LRRC37A: variants seen among roughly 807,000 people sequenced by gnomAD.
LRRC37A encodes leucine-rich repeat-containing protein 37A.
A neutral mutation model predicts 35.4 loss-of-function variants in LRRC37A; 3 were observed. That is an observed-to-expected ratio of 0.08 (90% confidence interval 0.04 to 0.22). The LOEUF (loss-of-function observed/expected upper bound fraction) is 0.22, where lower values mean the gene tolerates loss of function less well. LRRC37A is among the 10% of genes least tolerant of loss of function. The pLI is 1.00. For missense variants in LRRC37A, 67 were observed against 565.3 expected (o/e 0.12, Z 8.94); for synonymous variants, 23 against 215.0 (o/e 0.11, Z 7.81).
upstream of LRRC37A, among the ~76,000 whole-genome samples, chr17:46,291,129 G>A (rs2050054310): frequency 6.6e-6 from 1 of 152,224 alleles, no homozygotes; most frequent in Admixed American, 6.5e-5. Context: ...TATAGAGAGA[G>A]ACTGAACTTC....
chr17:46,266,853 C>T, the LRRC37A span, among the ~76,000 whole-genome samples: 19,433 of 150,642 alleles, frequency 0.13, no homozygotes, highest in Middle Eastern at 0.2. Context: ...AACCGCGCGT[C>T]GCCGCGCCGC....
At chr17:46,267,893 C>CTTTTTTTTTTTTTTTTTTT in the LRRC37A span, among the ~76,000 whole-genome samples, 108 of 89,110 alleles carry the variant, frequency 1.2e-3, no homozygotes, top group Non-Finnish European at 1.7e-3. Context: ...ACTCCCACAT[C>CTTTTTTTTTTTTTTTTTTT]TTTTTTTTTT....
the LRRC37A span, among the ~76,000 whole-genome samples, chr17:46,252,075 T>C: frequency 6.6e-6 from 1 of 152,252 alleles, no homozygotes; most frequent in Non-Finnish European, 1.5e-5. Context: ...GAACCAAAGA[T>C]GGAATCCTTA....
At chr17:46,260,806 A>G in the LRRC37A span, among the ~76,000 whole-genome samples, 2 of 152,020 alleles carry the variant, frequency 1.3e-5, no homozygotes, top group Non-Finnish European at 1.5e-5. Context: ...TATTTTTAGT[A>G]GAGACGGGGT....
the LRRC37A span, among the ~76,000 whole-genome samples, chr17:46,257,402 A>G: frequency 0.15 from 21,838 of 149,342 alleles, 2,158 homozygotes; most frequent in Non-Finnish European, 0.22. Context: ...GCAGTGAGCC[A>G]AGATCGTGCC....
At chr17:46,269,826 T>C in the LRRC37A span, among the ~76,000 whole-genome samples, 1 of 152,300 alleles carries the variant, frequency 6.6e-6, no homozygotes, top group South Asian at 2.1e-4. Context: ...GATGCACCTG[T>C]TTATTTTTGT....
At chr17:46,288,771 T>C (rs1347817099), upstream of LRRC37A, among the ~76,000 whole-genome samples, 1 of 151,116 alleles carries the variant, frequency 6.6e-6, no homozygotes, top group Non-Finnish European at 1.5e-5. Context: ...TGGCACAATC[T>C]CGGCTCAGTG....
At chr17:46,267,078 CCGGCGCCGAGCT>C in the LRRC37A span, 5 of 338,668 alleles carry the variant, frequency 1.5e-5, no homozygotes, top group African/African-American at 4.4e-5. Flanking sequence ...GACGCGGAGC[CCGGCGCCGAGCT>C]CTGCGCTTGC....
At chr17:46,282,885 G>A in the LRRC37A span, among the ~76,000 whole-genome samples, 2 of 152,196 alleles carry the variant, frequency 1.3e-5, no homozygotes, top group African/African-American at 2.4e-5. Context: ...TTGGGAGGCC[G>A]AAGCGAGCGG....
chr17:46,254,206 G>T, the LRRC37A span, among the ~76,000 whole-genome samples: 19,064 of 150,782 alleles, frequency 0.13, no homozygotes, highest in Non-Finnish European at 0.19. Flanking sequence ...TCCAGGAACC[G>T]AGGAGAGGAG....
chr17:46,258,280 A>ATG, the LRRC37A span, among the ~76,000 whole-genome samples: 1 of 151,748 alleles, frequency 6.6e-6, no homozygotes, highest in Non-Finnish European at 1.5e-5. Flanking sequence ...GCACGATCCC[A>ATG]GCTCACTGCA....
chr17:46,257,764 A>G, the LRRC37A span, among the ~76,000 whole-genome samples: 1 of 151,442 alleles, frequency 6.6e-6, no homozygotes, highest in Non-Finnish European at 1.5e-5. Context: ...TGAGGCTGCA[A>G]TGAGCCATGA....
the LRRC37A span, among the ~76,000 whole-genome samples, chr17:46,258,219 C>CTTTTTTTTTTTTT: frequency 1.2e-4 from 18 of 147,106 alleles, no homozygotes; most frequent in Non-Finnish European, 2.3e-4. Context: ...GAAAGAGATT[C>CTTTTTTTTTTTTT]TTTTTTTTTT....
chr17:46,272,197 G>A, the LRRC37A span, among the ~76,000 whole-genome samples: 2 of 152,220 alleles, frequency 1.3e-5, no homozygotes, highest in African/African-American at 2.4e-5. Context: ...AATACTTTTA[G>A]CCAAGGAAAT....
At chr17:46,275,504 G>A in the LRRC37A span, 1 of 625,144 alleles carries the variant, frequency 1.6e-6, no homozygotes, top group Non-Finnish European at 2.8e-6. Flanking sequence ...AAATAAATCT[G>A]GAAGAAGCAG....
the LRRC37A span, among the ~76,000 whole-genome samples, chr17:46,270,625 T>G: frequency 5.9e-5 from 9 of 152,246 alleles, no homozygotes; most frequent in Non-Finnish European, 1.3e-4. Context: ...GTCAAAAGGC[T>G]AGGCCGGGAG....
chr17:46,273,648 A>G, the LRRC37A span, among the ~76,000 whole-genome samples: 10 of 152,282 alleles, frequency 6.6e-5, no homozygotes, highest in Admixed American at 1.3e-4. Context: ...ATTTTTGCAA[A>G]GCTGCATAAT....
the LRRC37A span, chr17:46,259,752 G>C: frequency 1.3e-6 from 2 of 1,562,934 alleles, no homozygotes; most frequent in Non-Finnish European, 1.7e-6. Flanking sequence ...ACCAGAAGCG[G>C]TGCCAGCCAG....
At chr17:46,267,893 C>CTTTTTTTTTTTTT in the LRRC37A span, among the ~76,000 whole-genome samples, 12 of 89,236 alleles carry the variant, frequency 1.3e-4, 1 homozygote, top group African/African-American at 3.0e-4. Context: ...ACTCCCACAT[C>CTTTTTTTTTTTTT]TTTTTTTTTT....
Sources: allele counts gnomAD v4.1 joint callset (sites outside exome capture counted in the v4.1 genomes callset), GRCh38; gene constraint gnomAD v4.1.1; transcripts MANE v1.5; gene names NCBI Gene and HGNC (gene_info 2026-07-23, HGNC 2026-07-21).